BTBD9: variants seen among roughly 807,000 people sequenced by gnomAD.
BTBD9 encodes BTB/POZ domain-containing protein 9.
Under a neutral mutation model 64.3 loss-of-function variants are expected in BTBD9, and 49 were observed. The ratio of observed to expected loss-of-function variants is 0.76; its 90% CI spans 0.61 to 0.97. BTBD9 has a LOEUF of 0.97. Among genes scored for constraint, BTBD9 ranks in the 50% least tolerant of loss-of-function variants. The pLI is 0.00. For missense variants in BTBD9, 598 were observed against 762.1 expected, an observed-to-expected ratio of 0.78 and a Z score of 2.53; for synonymous variants, 260 against 274.7, an observed-to-expected ratio of 0.95 and a Z score of 0.53.
chr6:38,326,811 T>C (rs1763459283), intron 7 of BTBD9, among the ~76,000 whole-genome samples: 1 of 151,378 alleles, frequency 6.6e-6, no homozygotes, highest in African/African-American at 2.4e-5. Context: ...CCTCCTCTAC[T>C]TTCCCCACAG....
chr6:38,552,729 T>C (rs1751412606), intron 6 of BTBD9, among the ~76,000 whole-genome samples: 2 of 146,368 alleles, frequency 1.4e-5, no homozygotes, highest in Non-Finnish European at 3.0e-5. Context: ...GTCATGCCAC[T>C]GCACTCCAGA....
rs1375068654 is a variant in BTBD9, at chr6:38,310,894, TC to T, written c.1265-22434del. Reference sequence around the variant, plus strand: ...GGCGTGATCTTGACTCACTGCAACCTCCCCCCGGGTTCAAGCAATTCTCCTG... The same window carrying T: ...GGCGTGATCTTGACTCACTGCAACCTCCCCCGGGTTCAAGCAATTCTCCTG... On this transcript the variant is annotated intron_variant, in intron 7 of 10. Transcript: ENST00000481247. 2.6e-5 allele frequency among the ~76,000 whole-genome samples: 4 copies of T among 152,094 alleles called. No homozygotes were observed. In the East Asian group the frequency reaches 7.7e-4, roughly 29 times the overall value.
chr6:38,592,966 A>T lies in BTBD9; in HGVS notation c.550-126T>A, dbSNP rs914605269. 9 of 946,274 alleles carry T rather than the reference A, an allele frequency of 9.5e-6. No homozygotes were observed. In the African/African-American group the frequency reaches 1.5e-4, roughly 16 times the overall value. 58.6% of individuals were successfully genotyped at this position (946,274 alleles called of 1,614,324 possible). On this transcript the variant is annotated intron_variant, in intron 3 of 10. Coordinates refer to ENST00000481247, the MANE Select transcript of BTBD9 (RefSeq NM_001099272.2). ...CTCTTTTTGACCCTCTCCTTCCCTT[A>T]TGCTTTGTGCCACATATTCTCCTAC...
intron 8 of BTBD9, among the ~76,000 whole-genome samples, chr6:38,283,980 C>T (rs532213569): frequency 1.3e-5 from 2 of 152,330 alleles, no homozygotes; most frequent in African/African-American, 4.8e-5. Context: ...TATCTGGCCA[C>T]ATCAACTGTC....
chr6:38,275,553 G>C (rs1419150197), intron 8 of BTBD9, among the ~76,000 whole-genome samples: 2 of 150,178 alleles, frequency 1.3e-5, no homozygotes, highest in Non-Finnish European at 3.0e-5. Flanking sequence ...CCATCAGAGT[G>C]AACAGGCAAC....
intron 8 of BTBD9, among the ~76,000 whole-genome samples, chr6:38,276,337 G>T (rs541373189): frequency 6.8e-6 from 1 of 147,036 alleles, no homozygotes; most frequent in African/African-American, 2.5e-5. Flanking sequence ...ATCACACTCC[G>T]GGGACTGTTG....
chr6:38,386,970 C>T (rs373335957), intron 6 of BTBD9, among the ~76,000 whole-genome samples: 1 of 152,088 alleles, frequency 6.6e-6, no homozygotes, highest in East Asian at 1.9e-4. Flanking sequence ...CCAAAAGTCC[C>T]CTCTGTGTTG....
chr6:38,565,752 A>C lies in BTBD9; in HGVS notation c.1154+11848T>G, dbSNP rs541067822. On this transcript the variant is annotated intron_variant, in intron 6 of 10. Coordinates refer to ENST00000481247, the MANE Select transcript of BTBD9 (RefSeq NM_001099272.2). ...ATATTTGTGGATAGCATTTAGTAAA[A>C]TGTTTCACACTTTGAGATGATTATA... is the stretch of plus-strand genomic sequence containing the variant. 1.1e-4 allele frequency among the ~76,000 whole-genome samples: 17 copies of C among 152,344 alleles called. 1 individual carries two copies. In the South Asian group the frequency reaches 3.5e-3, roughly 32 times the overall value.
chr6:38,288,390 CA>C lies in BTBD9; in HGVS notation c.1335del (p.Asn445LysfsTer4). The C allele has an allele frequency of 6.2e-7, 1 of 1,614,158 alleles. No individual in the cohort carries two copies. Among genetic ancestry groups the C allele is most frequent in the South Asian group, 1.1e-5 (1 of 91,078 alleles). ...TTCTTAGTGTCCCCATTCAGCAAGG[CA>C]TTTCGGCTCCGACTGACTCCTTCAA... ...SVIEGVSRSRNALLNGDTKNY... is the reference protein window; with the variant it reads ...SVIEGVSRSRXALLNGDTKNY... On this transcript the variant is annotated frameshift_variant, in exon 8 of 11. Coordinates refer to ENST00000481247, the MANE Select transcript of BTBD9 (RefSeq NM_001099272.2). LOFTEE classifies it high-confidence loss of function.
At chr6:38,595,278 G>A (rs755650651) in intron 2 of BTBD9, among the ~76,000 whole-genome samples, 9 of 152,152 alleles carry the variant, frequency 5.9e-5, no homozygotes, top group Non-Finnish European at 1.3e-4. Flanking sequence ...TTAGATGGCT[G>A]GGAGACAAAG....
Position 38,424,835 on chromosome 6 carries a change from T to A in BTBD9, c.1155-79742A>T, listed in dbSNP as rs147259576. ...CCCAGCCTATTTATCTTATTTTATT[T>A]TTATTATTATTATTATTATTTGAGA... On this transcript the variant is annotated intron_variant, in intron 6 of 10. Coordinates refer to ENST00000481247, the MANE Select transcript of BTBD9 (RefSeq NM_001099272.2). Among the ~76,000 whole-genome samples, 998 of 150,936 alleles carry A rather than the reference T, an allele frequency of 6.6e-3. 34 individuals carry two copies. Among genetic ancestry groups the A allele is most frequent in the African/African-American group, 0.022 (917 of 40,942 alleles).
intron 6 of BTBD9, among the ~76,000 whole-genome samples, chr6:38,521,863 C>G (rs1376964317): frequency 6.6e-6 from 1 of 152,014 alleles, no homozygotes; most frequent in Non-Finnish European, 1.5e-5. Flanking sequence ...TTAGTAGAGA[C>G]CAGGTTTCAC....
chr6:38,590,744 A>T (rs971340892), intron 4 of BTBD9, among the ~76,000 whole-genome samples: 6 of 152,228 alleles, frequency 3.9e-5, no homozygotes, highest in Non-Finnish European at 8.8e-5. Flanking sequence ...CTGAAATCGC[A>T]GTGTAGACAT....
chr6:38,537,507 A>T (rs1471060115), intron 6 of BTBD9, among the ~76,000 whole-genome samples: 1 of 152,196 alleles, frequency 6.6e-6, no homozygotes, highest in Admixed American at 6.5e-5. Context: ...TTTCAGAACT[A>T]ATGTATCTGG....
intron 8 of BTBD9, among the ~76,000 whole-genome samples, chr6:38,259,685 C>G (rs571531302): frequency 6.6e-6 from 1 of 152,170 alleles, no homozygotes; most frequent in African/African-American, 2.4e-5. Context: ...CTAAAGGGCT[C>G]GCCTTCCCTT....
At chr6:38,533,104 A>C (rs1773868528) in intron 6 of BTBD9, among the ~76,000 whole-genome samples, 1 of 152,064 alleles carries the variant, frequency 6.6e-6, no homozygotes, top group South Asian at 2.1e-4. Context: ...GAATGGTTGA[A>C]TGGATTAAAA....
In BTBD9 at chr6:38,253,114, A is replaced by AAACAAC. The variant is rs376665071; in HGVS notation, c.1562+3289_1562+3294dup. On this transcript the variant is annotated intron_variant, in intron 9 of 10. Coordinates refer to ENST00000481247, the MANE Select transcript of BTBD9 (RefSeq NM_001099272.2). ...GAGCGACAGAGTGAGACTCTGTCTC[A>AAACAAC]AACAACAACAACAACAACAACAACA... is the stretch of plus-strand genomic sequence containing the variant. 2.1e-3 allele frequency among the ~76,000 whole-genome samples: 317 copies of AAACAAC among 151,160 alleles called. 1 individual carries two copies. Among genetic ancestry groups the AAACAAC allele is most frequent in the African/African-American group, 5.1e-3 (211 of 41,318 alleles).
chr6:38,266,281 G>T (rs1764968962), intron 8 of BTBD9, among the ~76,000 whole-genome samples: 1 of 151,998 alleles, frequency 6.6e-6, no homozygotes, highest in South Asian at 2.1e-4. Context: ...CCAATTTAAT[G>T]AAAATTCTCA....
chr6:38,193,001 C>A (rs758365098), intron 9 of BTBD9, among the ~76,000 whole-genome samples: 2 of 151,834 alleles, frequency 1.3e-5, no homozygotes, highest in Non-Finnish European at 2.9e-5. Context: ...CACATGTATG[C>A]ATATGTGACA....
Sources: gnomAD v4.1 joint callset for allele counts (sites outside exome capture counted in the v4.1 genomes callset) on GRCh38, gnomAD v4.1.1 for gene constraint, MANE v1.5 for transcripts, NCBI Gene and HGNC (gene_info 2026-07-23, HGNC 2026-07-21) for gene names.